The following USP24 variants were observed in gnomAD, a reference collection of about 807,000 sequenced individuals.
The protein encoded by USP24 is ubiquitin carboxyl-terminal hydrolase 24.
Under a neutral mutation model 361.6 loss-of-function variants are expected in USP24, and 97 were observed. That is an observed-to-expected ratio of 0.27 (90% confidence interval 0.23 to 0.32). The LOEUF (loss-of-function observed/expected upper bound fraction) is 0.32, where lower values mean the gene tolerates loss of function less well. Among genes scored for constraint, USP24 ranks in the 10% least tolerant of loss-of-function variants. The probability of loss-of-function intolerance (pLI) is 1.00; values close to 1 mark genes in which losing one functional copy is unlikely to be tolerated. For missense variants in USP24, 2,353 were observed against 3,165.6 expected (o/e 0.74, Z 6.16); for synonymous variants, 1,098 against 1,124.6 (o/e 0.98, Z 0.47).
Position 55,106,263 on chromosome 1 carries a change from C to T in USP24, c.4763G>A (p.Gly1588Asp), listed in dbSNP as rs1382241995. ...TAACAATGGTTTAATGAGTGATGAA[C>T]CTGGAATAGAGCATAATATTCATGT... ...SLCGAEKEML[G>D]SSLIKPLLDD... Residue 1588 changes from glycine to aspartate, a missense_variant and splice_region_variant, in exon 41 of 68, where the codon GGT becomes GAT. Around this residue, in one of 8 missense-constraint regions of USP24, gnomAD observed 949 missense variants for 1,280.5 expected, o/e 0.74. Coordinates refer to ENST00000294383, the MANE Select transcript of USP24 (RefSeq NM_015306.3). The T allele has an allele frequency of 8.2e-6, 13 of 1,591,266 alleles. No homozygotes were observed. Among genetic ancestry groups the T allele is most frequent in the Non-Finnish European group, 1.1e-5 (13 of 1,159,666 alleles).
intron 40 of USP24, among the ~76,000 whole-genome samples, chr1:55,106,784 T>C (rs1412325811): frequency 1.3e-5 from 2 of 152,218 alleles, no homozygotes; most frequent in East Asian, 3.8e-4. Flanking sequence ...GTCTTCTGAA[T>C]ACAATTTATA....
chr1:55,091,973 T>C (rs780567824), intron 54 of USP24, 50 bp downstream of exon 54: 174 of 1,344,110 alleles, frequency 1.3e-4, no homozygotes, highest in Non-Finnish European at 1.7e-4. Context: ...TCAATTGAAT[T>C]CACCAGTGCC....
At position 55,129,593 on chromosome 1, in the gene USP24, C is replaced by T. The variant is rs750939742; in HGVS notation, c.3538-19G>A. 1.3e-6 allele frequency: 2 copies of T among 1,596,582 alleles called. No individual in the cohort carries two copies. The highest frequency in any genetic ancestry group is 1.7e-6 in the Non-Finnish European group (2 of 1,166,346). Reference sequence around the variant, plus strand: ...TTAGAACCTAGGGAACAGATAAGCACAATTATTCATCCACACATTTTCAGC... The same window carrying T: ...TTAGAACCTAGGGAACAGATAAGCATAATTATTCATCCACACATTTTCAGC... On this transcript the variant is annotated intron_variant, in intron 31 of 67. Transcript: ENST00000294383.
At chr1:55,202,068 G>C (rs1479816229) in intron 1 of USP24, among the ~76,000 whole-genome samples, 1 of 152,218 alleles carries the variant, frequency 6.6e-6, no homozygotes, top group Non-Finnish European at 1.5e-5. Context: ...GGAGTCATAA[G>C]AGGATCTAGC....
intron 1 of USP24, among the ~76,000 whole-genome samples, chr1:55,179,462 C>T (rs1040482492): frequency 3.3e-5 from 5 of 152,290 alleles, no homozygotes; most frequent in African/African-American, 1.2e-4. Context: ...CCAGCTTAGA[C>T]TTCTCCTCTG....
intron 55 of USP24, 92 bp from the exon 56 acceptor site, chr1:55,086,130 C>G (rs954063429): frequency 1.6e-6 from 2 of 1,240,316 alleles, no homozygotes; most frequent in African/African-American, 3.0e-5. Flanking sequence ...AGCCAAGAAA[C>G]AAAAGTAGAG....
At chr1:55,177,531 G>A (rs1650117370) in intron 2 of USP24, among the ~76,000 whole-genome samples, 2 of 151,328 alleles carry the variant, frequency 1.3e-5, no homozygotes, top group Non-Finnish European at 2.9e-5. Flanking sequence ...TTTAGTACAG[G>A]TGTTCATACT....
intron 1 of USP24, among the ~76,000 whole-genome samples, chr1:55,186,877 T>C (rs1245140429): frequency 6.6e-6 from 1 of 152,158 alleles, no homozygotes; most frequent in Non-Finnish European, 1.5e-5. Flanking sequence ...ATGTACTTAA[T>C]GCCACAGAAC....
chr1:55,204,284 G>GACCAGTTCC (rs1644649019), intron 1 of USP24, among the ~76,000 whole-genome samples: 1 of 151,832 alleles, frequency 6.6e-6, no homozygotes, highest in Non-Finnish European at 1.5e-5. Context: ...AGTTCCTAAA[G>GACCAGTTCC]CAATTTCTCT....
At position 55,208,867 on chromosome 1, in the gene USP24, C is replaced by G. The variant is rs111905422; in HGVS notation, c.324+5923G>C. Among the ~76,000 whole-genome samples, 193 of 151,962 alleles carry G rather than the reference C, an allele frequency of 1.3e-3. 2 individuals are homozygous for G. The highest frequency in any genetic ancestry group is 4.3e-3 in the African/African-American group (179 of 41,444). On this transcript the variant is annotated intron_variant, in intron 1 of 67. Coordinates refer to ENST00000294383, the MANE Select transcript of USP24 (RefSeq NM_015306.3). ...AGAAGAATCGCTTGAAACTGGAAGGCGGACGTTGCAGTGAGCCAAGATCAC... is the reference window on the plus strand; with the variant it reads ...AGAAGAATCGCTTGAAACTGGAAGGGGGACGTTGCAGTGAGCCAAGATCAC...
At position 55,129,477 on chromosome 1, in the gene USP24, C is replaced by T; in HGVS notation, c.3635G>A (p.Ser1212Asn). 6.2e-7 allele frequency: 1 copy of T among 1,613,556 alleles called. No homozygotes were observed. Among genetic ancestry groups the T allele is most frequent in the Non-Finnish European group, 8.5e-7 (1 of 1,179,676 alleles). ...TGTAACATTACATTGAAACTCTAACCTCAAACCGCCAGCTTTGAGGAAGTT... is the reference window on the plus strand; with the variant it reads ...TGTAACATTACATTGAAACTCTAACTTCAAACCGCCAGCTTTGAGGAAGTT... ...CENFLKAGGL[S>N]LVVNVMQRDS... The change falls in exon 32 of 68, where the codon AGT (serine) becomes AAT (asparagine). Residue 1212 changes from serine (S) to asparagine (N), a missense_variant and splice_region_variant. Ser to Asn is a conservative substitution (Grantham distance 46). Coordinates refer to ENST00000294383, the MANE Select transcript of USP24 (RefSeq NM_015306.3).
intron 18 of USP24, among the ~76,000 whole-genome samples, chr1:55,147,391 T>C (rs1647057668): frequency 1.3e-5 from 2 of 152,144 alleles, no homozygotes; most frequent in Non-Finnish European, 2.9e-5. Context: ...TACTAATCAA[T>C]TGATTTGAAA....
chr1:55,191,016 A>G (rs548653909), intron 1 of USP24, among the ~76,000 whole-genome samples: 4 of 152,364 alleles, frequency 2.6e-5, no homozygotes, highest in African/African-American at 9.6e-5. Flanking sequence ...AATAATTTTT[A>G]TAAAATATTT....
intron 67 of USP24, among the ~76,000 whole-genome samples, chr1:55,069,935 A>C (rs145922230): frequency 8.0e-5 from 12 of 150,692 alleles, no homozygotes; most frequent in Non-Finnish European, 1.6e-4. Flanking sequence ...CGCAGGTGCT[A>C]GATCAAGCAG....
intron 19 of USP24, 63 bp downstream of exon 19, chr1:55,146,866 C>T: frequency 6.3e-7 from 1 of 1,590,144 alleles, no homozygotes; most frequent in Non-Finnish European, 8.6e-7. Context: ...ATGTGAGACA[C>T]ACAGAAAAAG....
intron 17 of USP24, among the ~76,000 whole-genome samples, chr1:55,148,209 C>G (rs1647084946): frequency 6.7e-6 from 1 of 149,094 alleles, no homozygotes; most frequent in Non-Finnish European, 1.5e-5. Context: ...GCCATTCTAA[C>G]TTTTAAAAAC....
At chr1:55,151,708 CAAAGG>C (rs1647197908) in intron 16 of USP24, among the ~76,000 whole-genome samples, 2 of 151,870 alleles carry the variant, frequency 1.3e-5, no homozygotes. Flanking sequence ...ATAGAAGCAG[CAAAGG>C]AAAGAGGACC....
At chr1:55,173,000 T>C (rs1157368271) in intron 3 of USP24, among the ~76,000 whole-genome samples, 2 of 152,208 alleles carry the variant, frequency 1.3e-5, no homozygotes, top group African/African-American at 4.8e-5. Context: ...ATTTTATAAA[T>C]GGTAAGGCAT....
chr1:55,184,599 C>T lies in USP24; in HGVS notation c.325-6467G>A, dbSNP rs148795242. On this transcript the variant is annotated intron_variant, in intron 1 of 67. Coordinates refer to ENST00000294383, the MANE Select transcript of USP24 (RefSeq NM_015306.3). Reference sequence around the variant, plus strand: ...ACCAAATAGACCTAAAACACATTTACAGAACTCTCCACCCAATTACAGTAA... The same window carrying T: ...ACCAAATAGACCTAAAACACATTTATAGAACTCTCCACCCAATTACAGTAA... 3.8e-3 allele frequency among the ~76,000 whole-genome samples: 579 copies of T among 152,296 alleles called. 5 individuals carry two copies. The highest frequency in any genetic ancestry group is 0.013 in the African/African-American group (542 of 41,568).
Sources: allele counts gnomAD v4.1 joint callset (sites outside exome capture counted in the v4.1 genomes callset), GRCh38; gene constraint gnomAD v4.1.1; regional missense constraint gnomAD v4.1.1; transcripts MANE v1.5; gene names NCBI Gene and HGNC (gene_info 2026-07-23, HGNC 2026-07-21).